Variants in TMEM33 observed in about 807,000 individuals in gnomAD.
The protein encoded by TMEM33 is transmembrane protein 33.
A neutral mutation model predicts 29.7 loss-of-function variants in TMEM33; 16 were observed. The observed-to-expected ratio is 0.54, with a 90% CI of 0.36 to 0.82. The LOEUF is 0.82. Ranked by LOEUF, TMEM33 falls within the 40% of genes least tolerant of loss-of-function variation. The probability of loss-of-function intolerance (pLI) is 0.00; values close to 1 mark genes in which losing one functional copy is unlikely to be tolerated. For synonymous variants in TMEM33, 112 were observed against 109.4 expected (o/e 1.02, Z -0.15); for missense variants, 252 against 295.3 (o/e 0.85, Z 1.08).
rs1364498838 is a variant in TMEM33 at position 41,957,814 on chromosome 4, G to A, written c.*3615G>A. 2.0e-5 allele frequency: 3 copies of A among 152,050 alleles called. No individual in the cohort carries two copies. The highest frequency in any genetic ancestry group is 4.8e-5 in the African/African-American group (2 of 41,388). 9.4% of individuals were successfully genotyped at this position (152,050 alleles called of 1,614,324 possible). A position where few individuals can be genotyped will look rare whatever the true frequency, so the allele number is the denominator to read the frequency against. On this transcript the variant is annotated 3_prime_UTR_variant, in exon 7 of 7. Transcript: ENST00000504986. The stretch of plus-strand genomic sequence containing the variant: ...TTGAAATGAAAACTTCAAGGAAGAA[G>A]TAGCCACGGACAGTTATGTTTATAA...
At chr4:41,941,851 G>A (rs1222370998) in intron 3 of TMEM33, among the ~76,000 whole-genome samples, 1 of 152,130 alleles carries the variant, frequency 6.6e-6, no homozygotes, top group Non-Finnish European at 1.5e-5. Context: ...AACAGATAGG[G>A]CATTTCACCT....
At chr4:41,936,852 A>C (rs1712262737) in intron 1 of TMEM33, among the ~76,000 whole-genome samples, 1 of 152,176 alleles carries the variant, frequency 6.6e-6, no homozygotes, top group Non-Finnish European at 1.5e-5. Flanking sequence ...ATGTATATCT[A>C]TATTATATAT....
chr4:41,943,384 G>A (rs1354341797), intron 3 of TMEM33, among the ~76,000 whole-genome samples: 3 of 152,084 alleles, frequency 2.0e-5, no homozygotes, highest in Non-Finnish European at 4.4e-5. Flanking sequence ...AATTAGCTGG[G>A]CGTGGTGGCA....
rs1713358858 is a variant in TMEM33 at position 41,958,626 on chromosome 4, A to G, written c.*4427A>G. 1 of 149,164 alleles carries G rather than the reference A, an allele frequency of 6.7e-6. No individual in the cohort carries two copies. Among genetic ancestry groups the G allele is most frequent in the Non-Finnish European group, 1.5e-5 (1 of 67,136 alleles). 9.2% of individuals were successfully genotyped at this position (149,164 alleles called of 1,614,324 possible). A position where few individuals can be genotyped will look rare whatever the true frequency, so the allele number is the denominator to read the frequency against. On this transcript the variant is annotated 3_prime_UTR_variant, in exon 7 of 7. Coordinates refer to ENST00000504986, the MANE Select transcript of TMEM33 (RefSeq NM_018126.3). Reference sequence around the variant, plus strand: ...AATATAAAAGCATATTGAAATTTGTAGATATTATATGAGGAATGGCACCTA... The same window carrying G: ...AATATAAAAGCATATTGAAATTTGTGGATATTATATGAGGAATGGCACCTA...
chr4:41,946,643 T>A (rs1323779231), intron 5 of TMEM33, among the ~76,000 whole-genome samples: 2 of 152,136 alleles, frequency 1.3e-5, no homozygotes, highest in African/African-American at 4.8e-5. Context: ...AATAAAAGCA[T>A]CCTCTTATCC....
At position 41,944,852 on chromosome 4, in the gene TMEM33, TCAA is replaced by T. The variant is rs1217904718; in HGVS notation, c.460_462del (p.Gln154del). 6.2e-7 allele frequency: 1 copy of T among 1,613,452 alleles called. No individual in the cohort carries two copies. The highest frequency in any genetic ancestry group is 1.3e-5 in the African/African-American group (1 of 74,920). ...CTGTCTTGGACAAATTAAGTGCTAA[TCAA>T]CAAAATATTCTGAAATTCATTGCTT... On this transcript the variant is annotated inframe_deletion, in exon 5 of 7. Coordinates refer to ENST00000504986, the MANE Select transcript of TMEM33 (RefSeq NM_018126.3).
At chr4:41,951,080 G>A (rs952655209) in intron 6 of TMEM33, among the ~76,000 whole-genome samples, 1 of 152,038 alleles carries the variant, frequency 6.6e-6, no homozygotes, top group Non-Finnish European at 1.5e-5. Flanking sequence ...TTAATTAAAG[G>A]TTTTGAGACC....
intron 2 of TMEM33, 135 bp downstream of exon 2, chr4:41,938,831 A>T: frequency 1.4e-6 from 1 of 729,856 alleles, no homozygotes; most frequent in Non-Finnish European, 2.3e-6. Flanking sequence ...GCCTTCAGGT[A>T]CTAACAACCT....
Position 41,944,788 on chromosome 4 carries a change from T to G in TMEM33, c.397-5T>G. The G allele has an allele frequency of 6.2e-7, 1 of 1,612,040 alleles. No individual in the cohort carries two copies. Among genetic ancestry groups the G allele is most frequent in the Non-Finnish European group, 8.5e-7 (1 of 1,179,360 alleles). On this transcript the variant is annotated splice_polypyrimidine_tract_variant and splice_region_variant and intron_variant, in intron 4 of 6. Coordinates refer to ENST00000504986, the MANE Select transcript of TMEM33 (RefSeq NM_018126.3). ...ATTTCTAATGTTGGTTTTCTTTTGT[T>G]TTAGGCAAGGGGCTCAAATAGTTTA...
chr4:41,935,896 C>G (rs1270454244), intron 1 of TMEM33, among the ~76,000 whole-genome samples: 1 of 152,188 alleles, frequency 6.6e-6, no homozygotes, highest in African/African-American at 2.4e-5. Context: ...CCACGTGGAG[C>G]ACACGAGTGC....
intron 2 of TMEM33, among the ~76,000 whole-genome samples, chr4:41,938,914 T>C (rs1712379911): frequency 6.6e-6 from 1 of 152,162 alleles, no homozygotes. Flanking sequence ...CAAGGAAAAA[T>C]TGATGTGTGG....
intron 5 of TMEM33, among the ~76,000 whole-genome samples, chr4:41,947,172 G>T (rs1282556369): frequency 2.0e-5 from 3 of 151,406 alleles, no homozygotes; most frequent in Non-Finnish European, 2.9e-5. Context: ...GGAGGCAGAG[G>T]TTGCAGTGAG....
At position 41,957,267 on chromosome 4, in the gene TMEM33, G is replaced by GTTTTTT. The variant is rs34741115; in HGVS notation, c.*3080_*3085dup. On this transcript the variant is annotated 3_prime_UTR_variant, in exon 7 of 7. Coordinates refer to ENST00000504986, the MANE Select transcript of TMEM33 (RefSeq NM_018126.3). ...AATTTATTATGCAATTTGTATTTAG[G>GTTTTTT]TTTTTTTTTTTTTTTTTGGAATGAA... The GTTTTTT allele has an allele frequency of 1.5e-5, 2 of 135,846 alleles. No homozygotes were observed. Among genetic ancestry groups the GTTTTTT allele is most frequent in the African/African-American group, 5.5e-5 (2 of 36,462 alleles). The allele number at this position is 135,846 out of a possible 1,614,324, so 8.4% of individuals were successfully genotyped here.
intron 1 of TMEM33, among the ~76,000 whole-genome samples, chr4:41,936,911 A>T (rs1051342654): frequency 2.6e-5 from 4 of 151,958 alleles, no homozygotes; most frequent in Non-Finnish European, 1.5e-5. Flanking sequence ...AATTTGTTTG[A>T]TTATTTGATT....
chr4:41,938,187 T>C (rs952960285), intron 1 of TMEM33, among the ~76,000 whole-genome samples: 1 of 152,248 alleles, frequency 6.6e-6, no homozygotes, highest in African/African-American at 2.4e-5. Context: ...TTGCTAAGAA[T>C]AGGCATATGG....
chr4:41,949,596 C>T (rs528573070), intron 6 of TMEM33, among the ~76,000 whole-genome samples: 3 of 152,262 alleles, frequency 2.0e-5, no homozygotes, highest in African/African-American at 7.2e-5. Context: ...CAGTTATCTA[C>T]GCCACCTCTA....
chr4:41,953,563 G>A (rs1005733800), intron 6 of TMEM33, among the ~76,000 whole-genome samples: 2 of 152,134 alleles, frequency 1.3e-5, no homozygotes, highest in African/African-American at 4.8e-5. Flanking sequence ...TTTTCACTAA[G>A]CTTAATCATT....
intron 3 of TMEM33, among the ~76,000 whole-genome samples, chr4:41,941,463 T>C (rs115534518): frequency 1.3e-5 from 2 of 152,354 alleles, no homozygotes; most frequent in African/African-American, 2.4e-5. Context: ...TAGGGTAAAC[T>C]GAATACGTCA....
Position 41,944,834 on chromosome 4 carries a change from G to C in TMEM33, c.438G>C (p.Leu146Phe). ...SNSLPLLRSV[L>F]DKLSANQQNI... is the part of the protein sequence containing the mutation. ...GTTTACCTCTGCTGAGATCTGTCTTGGACAAATTAAGTGCTAATCAACAAA... is the reference window on the plus strand; with the variant it reads ...GTTTACCTCTGCTGAGATCTGTCTTCGACAAATTAAGTGCTAATCAACAAA... Residue 146 changes from leucine (L) to phenylalanine (F), a missense_variant, in exon 5 of 7, where the codon TTG becomes TTC. Transcript: ENST00000504986. 2 of 1,613,440 alleles carry C rather than the reference G, an allele frequency of 1.2e-6. No homozygotes were observed. Among genetic ancestry groups the C allele is most frequent in the Non-Finnish European group, 1.7e-6 (2 of 1,179,766 alleles).
Sources: allele counts gnomAD v4.1 joint callset (sites outside exome capture counted in the v4.1 genomes callset), GRCh38; gene constraint gnomAD v4.1.1; transcripts MANE v1.5; gene names NCBI Gene and HGNC (gene_info 2026-07-23, HGNC 2026-07-21).